The following GPR158 variants were observed in gnomAD, a reference collection of about 807,000 sequenced individuals.
GPR158 encodes the protein G protein-coupled receptor 158, also known as metabotropic glycine receptor.
In GPR158, 30 loss-of-function variants were observed where a neutral mutation model predicts 78.2. The observed-to-expected ratio is 0.38, with a 90% CI of 0.29 to 0.52. GPR158 has a LOEUF of 0.52. Ranked by LOEUF, GPR158 falls within the 20% of genes least tolerant of loss-of-function variation. GPR158 has a pLI of 0.83. For synonymous variants in GPR158, 581 were observed against 591.1 expected (o/e 0.98, Z 0.25); for missense variants, 1,463 against 1,523.5 (o/e 0.96, Z 0.66).
intron 2 of GPR158, among the ~76,000 whole-genome samples, chr10:25,317,654 T>G (rs1854874961): frequency 1.3e-5 from 2 of 152,092 alleles, no homozygotes; most frequent in Non-Finnish European, 2.9e-5. Flanking sequence ...TCTTTTGCTT[T>G]GTGTTTAGGT....
chr10:25,467,027 A>G (rs1377124614), intron 5 of GPR158, among the ~76,000 whole-genome samples: 1 of 152,150 alleles, frequency 6.6e-6, no homozygotes, highest in African/African-American at 2.4e-5. Context: ...TCCTGAGAGC[A>G]TGTGCCCAGG....
At chr10:25,282,603 T>C (rs1854291187) in intron 2 of GPR158, among the ~76,000 whole-genome samples, 3 of 152,280 alleles carry the variant, frequency 2.0e-5, no homozygotes, top group Non-Finnish European at 2.9e-5. Flanking sequence ...TTTCTGAGAG[T>C]TCCGTTCGTT....
At chr10:25,453,329 T>G (rs1276846431) in intron 4 of GPR158, among the ~76,000 whole-genome samples, 5 of 152,232 alleles carry the variant, frequency 3.3e-5, no homozygotes, top group Non-Finnish European at 7.3e-5. Context: ...TATACTAATT[T>G]ACATTCATCC....
At chr10:25,489,610 T>C (rs906874080) in intron 5 of GPR158, among the ~76,000 whole-genome samples, 5 of 152,140 alleles carry the variant, frequency 3.3e-5, no homozygotes, top group Non-Finnish European at 7.4e-5. Flanking sequence ...CCCCTAGCTG[T>C]ACTCTCCCTT....
chr10:25,579,220 T>C (rs1461010972), intron 7 of GPR158, among the ~76,000 whole-genome samples: 2 of 152,022 alleles, frequency 1.3e-5, no homozygotes, highest in East Asian at 1.9e-4. Flanking sequence ...ATGTTCAGGA[T>C]TTTTTGCAAT....
At chr10:25,239,584 G>C (rs904163128) in intron 2 of GPR158, among the ~76,000 whole-genome samples, 3 of 148,636 alleles carry the variant, frequency 2.0e-5, no homozygotes, top group African/African-American at 7.6e-5. Flanking sequence ...CTTCAGCTTG[G>C]GTGACAGAGC....
intron 2 of GPR158, among the ~76,000 whole-genome samples, chr10:25,306,215 C>G (rs1266801938): frequency 6.6e-6 from 1 of 152,166 alleles, no homozygotes; most frequent in African/African-American, 2.4e-5. Flanking sequence ...TGGCTCCCTA[C>G]TATCCAATTT....
At position 25,412,253 on chromosome 10, in the gene GPR158, G is replaced by C. The variant is rs1020107327; in HGVS notation, c.1115G>C (p.Arg372Thr). ...GVLPVNNFRR[R>T]GPDQHISGST... ...TGGTTTTATTTGGAACTTTCAGGAA[G>C]GGGTCCGGATCAGCATATTTCAGGA... The change falls in exon 4 of 11, where the codon AGG (arginine) becomes ACG (threonine). Residue 372 changes from arginine (R) to threonine (T), a missense_variant. By Grantham distance (71) the Arg-to-Thr change is moderately conservative. Transcript: ENST00000376351. 5.6e-6 allele frequency: 9 copies of C among 1,611,704 alleles called. No individual in the cohort carries two copies. Among genetic ancestry groups the C allele is most frequent in the Non-Finnish European group, 7.6e-6 (9 of 1,177,806 alleles).
At chr10:25,473,706 T>C (rs1835542200) in intron 5 of GPR158, among the ~76,000 whole-genome samples, 2 of 152,176 alleles carry the variant, frequency 1.3e-5, no homozygotes, top group African/African-American at 4.8e-5. Context: ...TCGAGGAATT[T>C]ATCCATTTCT....
At position 25,229,744 on chromosome 10, in the gene GPR158, A is replaced by G. The variant is rs561896497; in HGVS notation, c.1008+8587A>G. Reference sequence around the variant, plus strand: ...CATTTAGGATTAGACATGAGGATGTATGGGGTATTTTAGATTACAAACTAC... The same window carrying G: ...CATTTAGGATTAGACATGAGGATGTGTGGGGTATTTTAGATTACAAACTAC... On this transcript the variant is annotated intron_variant, in intron 2 of 10. Coordinates refer to ENST00000376351, the MANE Select transcript of GPR158 (RefSeq NM_020752.3). Among the ~76,000 whole-genome samples the G allele has an allele frequency of 2.4e-4, 37 of 152,328 alleles. No individual in the cohort carries two copies. The South Asian group carries it at 7.0e-3, about 29-fold the overall frequency.
chr10:25,277,241 A>G (rs1376959075), intron 2 of GPR158, among the ~76,000 whole-genome samples: 4 of 152,174 alleles, frequency 2.6e-5, no homozygotes, highest in African/African-American at 9.7e-5. Context: ...CGTGTTCCAC[A>G]GTGCTCAGCT....
intron 5 of GPR158, among the ~76,000 whole-genome samples, chr10:25,503,363 A>G (rs1275255645): frequency 1.3e-5 from 2 of 152,012 alleles, no homozygotes; most frequent in African/African-American, 2.4e-5. Context: ...GGACAAAAAA[A>G]TAATTTAATT....
chr10:25,506,370 G>A (rs1383127529), intron 5 of GPR158, among the ~76,000 whole-genome samples: 3 of 152,168 alleles, frequency 2.0e-5, no homozygotes, highest in East Asian at 1.9e-4. Flanking sequence ...CCCCAACTTA[G>A]GCAGATCTCT....
chr10:25,597,430 A>G (rs1203758707), intron 10 of GPR158, among the ~76,000 whole-genome samples: 1 of 152,176 alleles, frequency 6.6e-6, no homozygotes, highest in Non-Finnish European at 1.5e-5. Flanking sequence ...GTTAGAATAC[A>G]TGAGTTCGTG....
intron 4 of GPR158, among the ~76,000 whole-genome samples, chr10:25,418,446 T>C (rs937260308): frequency 2.0e-5 from 3 of 152,136 alleles, no homozygotes; most frequent in African/African-American, 7.2e-5. Flanking sequence ...TTACACACAT[T>C]TGTCCCTATG....
intron 7 of GPR158, among the ~76,000 whole-genome samples, chr10:25,588,131 T>C (rs10458686): frequency 0.3 from 45,757 of 152,160 alleles, 7,207 homozygotes; most frequent in East Asian, 0.49. Flanking sequence ...TATTTAACAA[T>C]TACTATGTGT....
intron 1 of GPR158, among the ~76,000 whole-genome samples, chr10:25,213,403 C>T (rs1853161771): frequency 6.6e-6 from 1 of 152,048 alleles, no homozygotes; most frequent in African/African-American, 2.4e-5. Flanking sequence ...AATTTTTTCT[C>T]ATTTATTTTG....
intron 2 of GPR158, among the ~76,000 whole-genome samples, chr10:25,236,543 C>T (rs1290610322): frequency 6.6e-6 from 1 of 152,160 alleles, no homozygotes; most frequent in East Asian, 1.9e-4. Flanking sequence ...AATTTCTTCT[C>T]ATTCTGCAAT....
chr10:25,433,551 G>GTCTGTGT (rs1554803614), intron 4 of GPR158, among the ~76,000 whole-genome samples: 1 of 136,728 alleles, frequency 7.3e-6, no homozygotes, highest in South Asian at 2.4e-4. Context: ...TGTGTGTTGT[G>GTCTGTGT]TGTGTGTGTG....
Sources: allele counts gnomAD v4.1 joint callset (sites outside exome capture counted in the v4.1 genomes callset), GRCh38; gene constraint gnomAD v4.1.1; transcripts MANE v1.5; gene names NCBI Gene and HGNC (gene_info 2026-07-23, HGNC 2026-07-21).